The following CRYL1 variants were observed in gnomAD, a reference collection of about 807,000 sequenced individuals.
CRYL1 encodes lambda-crystallin homolog.
A neutral mutation model predicts 36.6 loss-of-function variants in CRYL1; 29 were observed. The observed-to-expected ratio is 0.79, with a 90% CI of 0.59 to 1.08. The LOEUF is 1.08. Among genes scored for constraint, CRYL1 ranks in the 50% least tolerant of loss-of-function variants. The pLI, the probability that CRYL1 is intolerant of heterozygous loss-of-function variation, is 0.00. For missense variants in CRYL1, 411 were observed against 407.9 expected (o/e 1.01, Z -0.06); for synonymous variants, 152 against 151.5 (o/e 1.00, Z -0.02).
chr13:20,511,376 G>A (rs1334028863), intron 2 of CRYL1, among the ~76,000 whole-genome samples: 1 of 152,102 alleles, frequency 6.6e-6, no homozygotes, highest in East Asian at 1.9e-4. Context: ...ACAGGTGTGA[G>A]CTACCAGGCC....
intron 5 of CRYL1, among the ~76,000 whole-genome samples, chr13:20,416,417 C>T (rs968512826): frequency 1.3e-5 from 2 of 152,224 alleles, no homozygotes; most frequent in Non-Finnish European, 2.9e-5. Flanking sequence ...GTCGCCTCCT[C>T]TCCCTGGCAG....
Position 20,525,644 on chromosome 13 carries a change from G to A in CRYL1, c.41+110C>T. 2.2e-6 allele frequency: 2 copies of A among 908,538 alleles called. No individual in the cohort carries two copies. Among genetic ancestry groups the A allele is most frequent in the Non-Finnish European group, 2.9e-6 (2 of 689,880 alleles). 56.3% of individuals were successfully genotyped at this position (908,538 alleles called of 1,614,324 possible). A position where few individuals can be genotyped will look rare whatever the true frequency, so the allele number is the denominator to read the frequency against. On this transcript the variant is annotated intron_variant, in intron 1 of 7. Transcript: ENST00000298248. The surrounding 1 kb of genome is among the most constrained non-coding windows in gnomAD (Gnocchi z 4.3). ...GCAGGGCTTCGGAGGACCGGAGGCC[G>A]GGGCGGGGACAGCGACCCGGCGCCC...
chr13:20,488,545 C>A (rs1447571732), intron 3 of CRYL1, among the ~76,000 whole-genome samples: 1 of 152,178 alleles, frequency 6.6e-6, no homozygotes, highest in Non-Finnish European at 1.5e-5. Flanking sequence ...CAGGAAATGA[C>A]CAGAGAACAC....
intron 3 of CRYL1, among the ~76,000 whole-genome samples, chr13:20,484,800 T>C (rs1340642246): frequency 6.6e-6 from 1 of 152,204 alleles, no homozygotes; most frequent in East Asian, 1.9e-4. Flanking sequence ...ATCTTCAGTA[T>C]TTTTGGAATA....
chr13:20,434,489 G>C (rs1278033430), intron 4 of CRYL1, among the ~76,000 whole-genome samples: 1 of 151,888 alleles, frequency 6.6e-6, no homozygotes, highest in Non-Finnish European at 1.5e-5. Context: ...ATCGGGGGAA[G>C]GATTGAAAAA....
intron 5 of CRYL1, chr13:20,431,723 A>C: frequency 1.7e-6 from 2 of 1,162,058 alleles, no homozygotes; most frequent in Non-Finnish European, 2.1e-6. Context: ...AGTTTACACA[A>C]AATATAATTT....
At chr13:20,437,255 C>T (rs865815229) in intron 4 of CRYL1, among the ~76,000 whole-genome samples, 1 of 151,790 alleles carries the variant, frequency 6.6e-6, no homozygotes, top group Non-Finnish European at 1.5e-5. Flanking sequence ...ATTTGATTTG[C>T]TTTAATTAAC....
chr13:20,407,056 T>C (rs2031396212), intron 6 of CRYL1, among the ~76,000 whole-genome samples: 1 of 150,504 alleles, frequency 6.6e-6, no homozygotes, highest in Non-Finnish European at 1.5e-5. Flanking sequence ...GGGACATTTA[T>C]TTCTACAAAA....
At chr13:20,482,225 T>C (rs557511375) in intron 3 of CRYL1, among the ~76,000 whole-genome samples, 86 of 152,330 alleles carry the variant, frequency 5.6e-4, no homozygotes, top group African/African-American at 1.9e-3. Flanking sequence ...AGATGCAAAT[T>C]CTGATCATCT....
intron 4 of CRYL1, 79 bp downstream of exon 4, chr13:20,439,514 C>CAAAAAAAAAAAAAAAGAAAAA: frequency 1.2e-5 from 4 of 330,904 alleles, no homozygotes; most frequent in South Asian, 7.5e-5. Context: ...CCCTCCCCCG[C>CAAAAAAAAAAAAAAAGAAAAA]AAAAAAAAAA....
At chr13:20,474,494 G>A (rs1362813898) in intron 3 of CRYL1, among the ~76,000 whole-genome samples, 1 of 152,178 alleles carries the variant, frequency 6.6e-6, no homozygotes, top group Non-Finnish European at 1.5e-5. Flanking sequence ...GAGCCAGTCA[G>A]CCCCTATTTG....
chr13:20,434,467 T>C (rs1052400912), intron 4 of CRYL1, among the ~76,000 whole-genome samples: 12 of 151,986 alleles, frequency 7.9e-5, no homozygotes, highest in African/African-American at 2.7e-4. Context: ...AGCAGGATTC[T>C]AAAAGTAGCT....
chr13:20,420,957 T>A (rs747025310), intron 5 of CRYL1, among the ~76,000 whole-genome samples: 45 of 151,980 alleles, frequency 3.0e-4, no homozygotes, highest in Non-Finnish European at 4.7e-4. Context: ...ATGGTCTCGA[T>A]CTCCTGACCT....
rs567889159 is a variant in CRYL1, at chr13:20,524,958, G to C, written c.41+796C>G. ...AATAGCAAGTATTAACATGTTTATA[G>C]ATTGCTGCTAACAGCTGGCCAAAGA... On this transcript the variant is annotated intron_variant, in intron 1 of 7. Transcript: ENST00000298248. Among the ~76,000 whole-genome samples, 9 of 147,826 alleles carry C rather than the reference G, an allele frequency of 6.1e-5. No individual in the cohort carries two copies. The Admixed American group carries it at 6.3e-4, about 10-fold the overall frequency.
intron 3 of CRYL1, among the ~76,000 whole-genome samples, chr13:20,460,768 G>T (rs1390255224): frequency 6.6e-6 from 1 of 152,088 alleles, no homozygotes; most frequent in East Asian, 1.9e-4. Context: ...ATCGTGATCT[G>T]CCCGTCTCCG....
chr13:20,422,360 C>CAAA (rs34813385), intron 5 of CRYL1, among the ~76,000 whole-genome samples: 2 of 129,906 alleles, frequency 1.5e-5, no homozygotes, highest in Non-Finnish European at 3.2e-5. Context: ...ATTCCATTTC[C>CAAA]AAAAAAAAAA....
rs750870267 is a variant in CRYL1 at position 20,404,703 on chromosome 13, T to A, written c.778A>T (p.Lys260Ter). ...GGTCCAAAAGTCTGTAGGACATGTT[T>A]TATGCCTTCGCTGTATCTGTCGCAG... ...SYCDRYSEGI[K>*]HVLQTFGPIP... The change falls in exon 7 of 8, where the codon AAA (lysine) becomes TAA (stop). Residue 260 changes from lysine to a stop codon, truncating the protein, a stop_gained. Transcript: ENST00000298248. LOFTEE classifies it high-confidence loss of function. 1.7e-5 allele frequency: 27 copies of A among 1,613,880 alleles called. No homozygotes were observed. The highest frequency in any genetic ancestry group is 2.0e-5 in the Non-Finnish European group (24 of 1,179,832).
intron 2 of CRYL1, 31 bp downstream of exon 2, chr13:20,512,412 C>G: frequency 6.8e-7 from 1 of 1,474,020 alleles, no homozygotes; most frequent in South Asian, 1.1e-5. Context: ...GACCCACTTC[C>G]ATTCCTTCTG....
At chr13:20,428,869 G>A (rs944423230) in intron 5 of CRYL1, among the ~76,000 whole-genome samples, 10 of 152,094 alleles carry the variant, frequency 6.6e-5, no homozygotes, top group African/African-American at 1.9e-4. Context: ...CTCCCTCAGC[G>A]CCCTGAACCA....
Sources: allele counts gnomAD v4.1 joint callset (sites outside exome capture counted in the v4.1 genomes callset), GRCh38; gene constraint gnomAD v4.1.1; non-coding constraint Gnocchi (gnomAD v3.1); transcripts MANE v1.5; gene names NCBI Gene and HGNC (gene_info 2026-07-23, HGNC 2026-07-21).